The following TRIM67 variants were observed in gnomAD, a reference collection of about 807,000 sequenced individuals.
TRIM67 encodes the protein tripartite motif-containing protein 67.
TRIM67 carries 39 observed loss-of-function variants against 71.0 expected under a neutral mutation model. The ratio of observed to expected loss-of-function variants is 0.55; its 90% CI spans 0.43 to 0.72. The LOEUF (loss-of-function observed/expected upper bound fraction) is 0.72, where lower values mean the gene tolerates loss of function less well. Among genes scored for constraint, TRIM67 ranks in the 30% least tolerant of loss-of-function variants. The probability of loss-of-function intolerance (pLI) is 0.00; values close to 1 mark genes in which losing one functional copy is unlikely to be tolerated. For synonymous variants in TRIM67, 481 were observed against 473.9 expected (o/e 1.01, Z -0.19); for missense variants, 973 against 1,079.2 (o/e 0.90, Z 1.38).
intron 1 of TRIM67, among the ~76,000 whole-genome samples, chr1:231,173,991 A>T (rs1329527136): frequency 6.6e-6 from 1 of 151,962 alleles, no homozygotes; most frequent in African/African-American, 2.4e-5. Context: ...TTTTTGGAAA[A>T]TTTTTATGTA....
At chr1:231,212,655 C>T (rs1683905982) in intron 8 of TRIM67, among the ~76,000 whole-genome samples, 1 of 151,944 alleles carries the variant, frequency 6.6e-6, no homozygotes, top group South Asian at 2.1e-4. Context: ...CCCAGGGGTT[C>T]CAGGCAACGG....
At chr1:231,192,530 C>T (rs953934104) in intron 1 of TRIM67, among the ~76,000 whole-genome samples, 1 of 152,230 alleles carries the variant, frequency 6.6e-6, no homozygotes, top group Non-Finnish European at 1.5e-5. Flanking sequence ...AAAACCTTTG[C>T]TCTTTTTCCA....
chr1:231,205,506 A>G (rs1188150931), intron 6 of TRIM67, among the ~76,000 whole-genome samples: 1 of 152,126 alleles, frequency 6.6e-6, no homozygotes, highest in Non-Finnish European at 1.5e-5. Flanking sequence ...CGGATGGATC[A>G]CTTGAGGTCA....
At chr1:231,164,565 T>C (rs6699872) in intron 1 of TRIM67, among the ~76,000 whole-genome samples, 8,355 of 152,170 alleles carry the variant, frequency 0.055, 740 homozygotes, top group African/African-American at 0.18. Flanking sequence ...AGATGAGCAA[T>C]TGGACTCACT....
chr1:231,201,459 C>T lies in TRIM67; in HGVS notation c.1476C>T (p.Asp492=), dbSNP rs371504102. Residue 492 remains aspartate, a synonymous_variant, in exon 5 of 10, where the codon GAC becomes GAT. Coordinates refer to ENST00000366653, the MANE Select transcript of TRIM67 (RefSeq NM_001004342.5). ...CTGCGGAGTTTGATCTGACTTTGGACAGCGAGCCGCTGCTGCAGGCCATCC... is the reference window on the plus strand; with the variant it reads ...CTGCGGAGTTTGATCTGACTTTGGATAGCGAGCCGCTGCTGCAGGCCATCC... ...KVSAEFDLTL[D]SEPLLQAIHQ... is the part of the protein sequence containing the mutation. 1.2e-6 allele frequency: 2 copies of T among 1,613,770 alleles called. No individual in the cohort carries two copies. The highest frequency in any genetic ancestry group is 2.2e-5 in the South Asian group (2 of 91,006).
intron 1 of TRIM67, among the ~76,000 whole-genome samples, chr1:231,185,861 T>C (rs551153625): frequency 6.6e-6 from 1 of 151,596 alleles, no homozygotes; most frequent in Non-Finnish European, 1.5e-5. Context: ...TCATGGAGTC[T>C]GGGGGGAAGA....
intron 1 of TRIM67, among the ~76,000 whole-genome samples, chr1:231,166,379 T>C (rs1682464975): frequency 6.6e-6 from 1 of 152,260 alleles, no homozygotes; most frequent in Non-Finnish European, 1.5e-5. Context: ...AAATGATCAA[T>C]GGGAGAGCCT....
Position 231,218,374 on chromosome 1 carries a change from A to G in TRIM67, c.*2934A>G, listed in dbSNP as rs1037077288. On this transcript the variant is annotated 3_prime_UTR_variant, in exon 10 of 10. Coordinates refer to ENST00000366653, the MANE Select transcript of TRIM67 (RefSeq NM_001004342.5). ...TTTCAGTGAAAAAGGAATTCAAAGTAGTTTAAAAATGTCGAGTTCCATTGC... is the reference window on the plus strand; with the variant it reads ...TTTCAGTGAAAAAGGAATTCAAAGTGGTTTAAAAATGTCGAGTTCCATTGC... The G allele has an allele frequency of 1.1e-4, 110 of 985,962 alleles. No individual in the cohort carries two copies. The highest frequency in any genetic ancestry group is 1.3e-4 in the Non-Finnish European group (108 of 830,374). 61.1% of individuals were successfully genotyped at this position (985,962 alleles called of 1,614,324 possible).
chr1:231,201,707 T>C (rs1372339148), intron 5 of TRIM67, among the ~76,000 whole-genome samples, 190 bp downstream of exon 5: 3 of 152,260 alleles, frequency 2.0e-5, no homozygotes, highest in Admixed American at 2.0e-4. Context: ...TGAGCTGGGG[T>C]GAGAAGCACC....
intron 1 of TRIM67, among the ~76,000 whole-genome samples, chr1:231,175,732 C>G (rs1682730399): frequency 6.6e-6 from 1 of 152,236 alleles, no homozygotes; most frequent in Admixed American, 6.5e-5. Context: ...AAAGAGCAGT[C>G]AGTGCCTCAC....
rs554871995 is a variant in TRIM67 at position 231,219,224 on chromosome 1, C to T, written c.*3784C>T. The T allele has an allele frequency of 1.0e-5, 10 of 984,130 alleles. No homozygotes were observed. The East Asian group carries it at 3.4e-4, about 34-fold the overall frequency. 61.0% of individuals were successfully genotyped at this position (984,130 alleles called of 1,614,324 possible). On this transcript the variant is annotated 3_prime_UTR_variant, in exon 10 of 10. Transcript: ENST00000366653. ...ACATTTTGCGATAGGTTCTGTATGC[C>T]GTAGGATGTTTAGCAACATCCCTGG... is the stretch of plus-strand genomic sequence containing the variant.
intron 7 of TRIM67, 38 bp downstream of exon 7, chr1:231,206,828 A>C (rs1322835782): frequency 6.5e-7 from 1 of 1,537,974 alleles, no homozygotes; most frequent in Admixed American, 1.9e-5. Flanking sequence ...GAACAGATTC[A>C]TCATTTTATC....
chr1:231,206,845 C>A, intron 7 of TRIM67, 55 bp downstream of exon 7: 1 of 1,505,328 alleles, frequency 6.6e-7, no homozygotes, highest in South Asian at 1.3e-5. Context: ...TATCCAGTGA[C>A]AACCAGACAG....
intron 1 of TRIM67, among the ~76,000 whole-genome samples, chr1:231,169,950 G>C (rs1682580061): frequency 1.3e-5 from 2 of 151,326 alleles, no homozygotes; most frequent in East Asian, 3.9e-4. Context: ...TGGTAATTCA[G>C]GGACCTTTAT....
At chr1:231,186,282 A>T in intron 1 of TRIM67, 1 of 940,396 alleles carries the variant, frequency 1.1e-6, no homozygotes, top group South Asian at 1.5e-5. Context: ...GCACATCTCT[A>T]GTTGGAACAG....
At chr1:231,175,908 A>G (rs188326484) in intron 1 of TRIM67, among the ~76,000 whole-genome samples, 13 of 152,134 alleles carry the variant, frequency 8.5e-5, no homozygotes, top group Non-Finnish European at 1.2e-4. Flanking sequence ...TCTTCTTTCA[A>G]TTGGGGGCCA....
In TRIM67 at chr1:231,209,037, A is replaced by T; in HGVS notation, c.1910A>T (p.Asp637Val). Residue 637 changes from aspartate (D) to valine (V), a missense_variant, in exon 8 of 10, where the codon GAC becomes GTC. This residue lies in a region of TRIM67 where 178 missense variants were observed against 247.9 expected (regional missense o/e 0.72). Transcript: ENST00000366653. This position sits in a 1 kb window ranked among gnomAD's most constrained non-coding sequence, Gnocchi z 4.1. ...ACAGCCACCTGCAGCAGCTATGACG[A>T]CCGGGTGGTGCTGGGCACAGCTGCG... ...NQTATCSSYDDRVVLGTAAFS... is the reference protein window; with the variant it reads ...NQTATCSSYDVRVVLGTAAFS... 6.2e-7 allele frequency: 1 copy of T among 1,613,554 alleles called. No homozygotes were observed. Among genetic ancestry groups the T allele is most frequent in the Non-Finnish European group, 8.5e-7 (1 of 1,179,584 alleles).
rs147621337 is a variant in TRIM67, at chr1:231,215,492, C to T, written c.*52C>T. 7.7e-4 allele frequency: 1,183 copies of T among 1,529,142 alleles called. 4 individuals carry two copies. In the African/African-American group the frequency reaches 0.013, roughly 16 times the overall value. The allele number at this position is 1,529,142 out of a possible 1,614,324, so 94.7% of individuals were successfully genotyped here. ...GTGACAGTGACATTCACAGGCAAAACGCCCACCATTCTCACTAAGCTCAAA... is the reference window on the plus strand; with the variant it reads ...GTGACAGTGACATTCACAGGCAAAATGCCCACCATTCTCACTAAGCTCAAA... On this transcript the variant is annotated 3_prime_UTR_variant, in exon 10 of 10. Transcript: ENST00000366653.
At chr1:231,187,447 C>A in intron 1 of TRIM67, 3 of 1,293,946 alleles carry the variant, frequency 2.3e-6, no homozygotes, top group Admixed American at 5.2e-5. Flanking sequence ...ACTGTTCTGC[C>A]AACAGATGAG....
Sources: gnomAD v4.1 joint callset for allele counts (sites outside exome capture counted in the v4.1 genomes callset) on GRCh38, gnomAD v4.1.1 for gene constraint, gnomAD v4.1.1 regional missense constraint, Gnocchi (gnomAD v3.1) non-coding constraint, MANE v1.5 for transcripts, NCBI Gene and HGNC (gene_info 2026-07-23, HGNC 2026-07-21) for gene names.